The following NOS1AP variants were observed in gnomAD, a reference collection of about 807,000 sequenced individuals.
The protein encoded by NOS1AP is carboxyl-terminal PDZ ligand of neuronal nitric oxide synthase protein.
NOS1AP carries 21 observed loss-of-function variants against 56.2 expected under a neutral mutation model. The ratio of observed to expected loss-of-function variants is 0.37; its 90% CI spans 0.26 to 0.54. The LOEUF (loss-of-function observed/expected upper bound fraction) is 0.54, where lower values mean the gene tolerates loss of function less well. Among genes scored for constraint, NOS1AP ranks in the 20% least tolerant of loss-of-function variants. The pLI, the probability that NOS1AP is intolerant of heterozygous loss-of-function variation, is 0.84. For synonymous variants in NOS1AP, 270 were observed against 274.6 expected, an observed-to-expected ratio of 0.98 and a Z score of 0.17; for missense variants, 522 against 657.8, an observed-to-expected ratio of 0.79 and a Z score of 2.26.
intron 2 of NOS1AP, among the ~76,000 whole-genome samples, chr1:162,197,427 G>A (rs1004031424): frequency 2.4e-4 from 36 of 152,194 alleles, no homozygotes; most frequent in African/African-American, 6.8e-4. Context: ...CTTGGCAGCC[G>A]GGATGTACTG....
In NOS1AP at chr1:162,239,444, G is replaced by A. The variant is rs80034134; in HGVS notation, c.178-47900G>A. On this transcript the variant is annotated intron_variant, in intron 2 of 9. Coordinates refer to ENST00000361897, the MANE Select transcript of NOS1AP (RefSeq NM_014697.3). Reference sequence around the variant, plus strand: ...CAATTTGACATATTATAATGACACTGCCCTTTGGTGCCTGTCACCAAAAGG... The same window carrying A: ...CAATTTGACATATTATAATGACACTACCCTTTGGTGCCTGTCACCAAAAGG... Among the ~76,000 whole-genome samples, 38 of 152,340 alleles carry A rather than the reference G, an allele frequency of 2.5e-4. No homozygotes were observed. The East Asian group carries it at 5.6e-3, about 22-fold the overall frequency.
chr1:162,135,205 C>T (rs931542936), intron 1 of NOS1AP, among the ~76,000 whole-genome samples: 1 of 152,164 alleles, frequency 6.6e-6, no homozygotes, highest in African/African-American at 2.4e-5. Context: ...TTTATGTGTA[C>T]TGTTAACGTT....
intron 2 of NOS1AP, among the ~76,000 whole-genome samples, chr1:162,198,319 T>C (rs769735909): frequency 6.6e-6 from 1 of 152,228 alleles, no homozygotes; most frequent in Non-Finnish European, 1.5e-5. Context: ...GTTTAAACTT[T>C]CTGATCGTTG....
At chr1:162,136,275 A>C (rs971452153) in intron 1 of NOS1AP, among the ~76,000 whole-genome samples, 19 of 152,256 alleles carry the variant, frequency 1.2e-4, no homozygotes, top group African/African-American at 3.9e-4. Flanking sequence ...GGGATTCTTT[A>C]TTTATTTATT....
At chr1:162,181,135 A>G (rs1022501219) in intron 2 of NOS1AP, among the ~76,000 whole-genome samples, 3 of 152,250 alleles carry the variant, frequency 2.0e-5, no homozygotes, top group Non-Finnish European at 4.4e-5. Context: ...GAACTGCTCA[A>G]ACAACTTAAC....
intron 1 of NOS1AP, among the ~76,000 whole-genome samples, chr1:162,136,409 A>G (rs986195228): frequency 1.3e-5 from 2 of 152,188 alleles, no homozygotes; most frequent in Admixed American, 6.5e-5. Context: ...CCATGTATTC[A>G]GTATTGGGCT....
intron 2 of NOS1AP, among the ~76,000 whole-genome samples, chr1:162,240,257 G>GTT (rs1205119312): frequency 7.0e-6 from 1 of 143,676 alleles, no homozygotes; most frequent in Admixed American, 6.9e-5. Context: ...GTGTGTGTGT[G>GTT]TGTGTGTGTG....
chr1:162,251,857 GTTTTTTTTTTTGTTTT>G (rs1653865625), intron 2 of NOS1AP, among the ~76,000 whole-genome samples: 2 of 100,446 alleles, frequency 2.0e-5, no homozygotes, highest in South Asian at 3.6e-4. Flanking sequence ...CTAGCTAGTT[GTTTTTTTTTTTGTTTT>G]TTTTTTTTTT....
In NOS1AP at chr1:162,137,604, T is replaced by C. The variant is rs981565412; in HGVS notation, c.106-16801T>C. ...AAATCTGTATGTGAGGATCTTTTTCTGCCCTTTCTCTGCTTGATTTCAAAA... is the reference window on the plus strand; with the variant it reads ...AAATCTGTATGTGAGGATCTTTTTCCGCCCTTTCTCTGCTTGATTTCAAAA... On this transcript the variant is annotated intron_variant, in intron 1 of 9. Transcript: ENST00000361897. 4.6e-5 allele frequency among the ~76,000 whole-genome samples: 7 copies of C among 152,094 alleles called. No individual in the cohort carries two copies. In the East Asian group the frequency reaches 1.4e-3, roughly 29 times the overall value.
chr1:162,328,612 C>G (rs1557880026), intron 4 of NOS1AP, among the ~76,000 whole-genome samples: 1 of 152,168 alleles, frequency 6.6e-6, no homozygotes, highest in Non-Finnish European at 1.5e-5. Flanking sequence ...ATACCTGTTT[C>G]ACAGGTGAAG....
At chr1:162,089,098 A>G (rs867996108) in intron 1 of NOS1AP, among the ~76,000 whole-genome samples, 15 of 152,166 alleles carry the variant, frequency 9.9e-5, no homozygotes, top group Admixed American at 5.2e-4. Context: ...GGCACCAGGG[A>G]TGCTAATTTT....
At chr1:162,296,202 G>A (rs978958606) in intron 3 of NOS1AP, among the ~76,000 whole-genome samples, 14 of 152,142 alleles carry the variant, frequency 9.2e-5, no homozygotes, top group African/African-American at 2.7e-4. Context: ...CAGGAGAATC[G>A]CTTGAACCCA....
At chr1:162,082,625 C>A (rs914210340) in intron 1 of NOS1AP, among the ~76,000 whole-genome samples, 1 of 152,056 alleles carries the variant, frequency 6.6e-6, no homozygotes, top group Non-Finnish European at 1.5e-5. Flanking sequence ...TTTAGTAATA[C>A]CCCTTTTGAC....
At chr1:162,241,665 C>T (rs1243228714) in intron 2 of NOS1AP, among the ~76,000 whole-genome samples, 2 of 152,106 alleles carry the variant, frequency 1.3e-5, no homozygotes, top group African/African-American at 2.4e-5. Flanking sequence ...CTGCACTCCC[C>T]CTGACTGCAG....
chr1:162,351,244 A>G (rs2101814905), intron 6 of NOS1AP, among the ~76,000 whole-genome samples: 1 of 152,348 alleles, frequency 6.6e-6, no homozygotes, highest in East Asian at 1.9e-4. Flanking sequence ...GTTTAAGTTT[A>G]AGCTGTTATT....
At chr1:162,132,061 G>A (rs78836602) in intron 1 of NOS1AP, among the ~76,000 whole-genome samples, 3,287 of 152,312 alleles carry the variant, frequency 0.022, 131 homozygotes, top group African/African-American at 0.075. Context: ...GGTGATAATG[G>A]CATGTGTGTG....
chr1:162,274,016 T>C (rs775987015), intron 2 of NOS1AP, among the ~76,000 whole-genome samples: 1 of 152,218 alleles, frequency 6.6e-6, no homozygotes, highest in African/African-American at 2.4e-5. Flanking sequence ...ATAATAGAGC[T>C]GTTAAACATT....
At chr1:162,268,353 C>A (rs372987582) in intron 2 of NOS1AP, among the ~76,000 whole-genome samples, 4 of 151,390 alleles carry the variant, frequency 2.6e-5, no homozygotes, top group African/African-American at 9.7e-5. Context: ...TAAGAGTTTT[C>A]TCTGGATAAA....
intron 6 of NOS1AP, among the ~76,000 whole-genome samples, chr1:162,352,356 G>A (rs1342401975): frequency 6.6e-6 from 1 of 151,510 alleles, no homozygotes; most frequent in Admixed American, 6.6e-5. Context: ...ACCGCGCCTG[G>A]CCTGCAGGCT....
Sources: allele counts gnomAD v4.1 joint callset (sites outside exome capture counted in the v4.1 genomes callset), GRCh38; gene constraint gnomAD v4.1.1; transcripts MANE v1.5; gene names NCBI Gene and HGNC (gene_info 2026-07-23, HGNC 2026-07-21).